CNTROB: variants seen among roughly 807,000 people sequenced by gnomAD.
The protein encoded by CNTROB is centrobin, centriole duplication and spindle assembly protein, also known as centrobin.
In CNTROB, 82 loss-of-function variants were observed where a neutral mutation model predicts 115.7. The ratio of observed to expected loss-of-function variants is 0.71; its 90% CI spans 0.59 to 0.85. The LOEUF (loss-of-function observed/expected upper bound fraction) is 0.85. Among genes scored for constraint, CNTROB ranks in the 40% least tolerant of loss-of-function variants. The probability of loss-of-function intolerance (pLI) is 0.00; values close to 1 mark genes in which losing one functional copy is unlikely to be tolerated. For missense variants in CNTROB, 1,014 were observed against 1,144.4 expected, an observed-to-expected ratio of 0.89 and a Z score of 1.64; for synonymous variants, 439 against 456.4, an observed-to-expected ratio of 0.96 and a Z score of 0.49.
In CNTROB at chr17:7,948,202, G is replaced by A. The variant is rs937256276; in HGVS notation, c.2255G>A (p.Arg752His). 1.1e-5 allele frequency: 18 copies of A among 1,613,962 alleles called. No homozygotes were observed. Among genetic ancestry groups the A allele is most frequent in the Middle Eastern group, 1.6e-4 (1 of 6,084 alleles). The change falls in exon 16 of 19, where the codon CGT (arginine) becomes CAT (histidine). Residue 752 changes from arginine (R) to histidine (H), a missense_variant. Transcript: ENST00000563694. The surrounding 1 kb of genome is among the most constrained non-coding windows in gnomAD (Gnocchi z 4.4). The part of the protein sequence containing the change: ...PSWEEAPQVP[R>H]IPPPVHKTKV... Reference sequence around the variant, plus strand: ...TGGGAGGAAGCCCCTCAAGTGCCACGTATTCCACCGCCTGTCCACAAAACC... The same window carrying A: ...TGGGAGGAAGCCCCTCAAGTGCCACATATTCCACCGCCTGTCCACAAAACC...
intron 1 of CNTROB, among the ~76,000 whole-genome samples, chr17:7,933,595 A>G (rs1972785900): frequency 6.6e-6 from 1 of 152,202 alleles, no homozygotes. Flanking sequence ...TAGATAGAGC[A>G]AACCTATGGG....
intron 1 of CNTROB, 105 bp downstream of exon 1, chr17:7,933,454 T>C (rs1972765684): frequency 1.7e-6 from 2 of 1,197,738 alleles, no homozygotes; most frequent in Non-Finnish European, 1.2e-6. Context: ...GAACTCTTCC[T>C]GTTGGATTTC....
intron 7 of CNTROB, among the ~76,000 whole-genome samples, chr17:7,938,432 C>T (rs1265168699): frequency 2.0e-5 from 3 of 152,118 alleles, no homozygotes; most frequent in African/African-American, 7.2e-5. Flanking sequence ...GTAGTCTTAA[C>T]AGGCTATATC....
At chr17:7,935,168 C>T (rs749507968) in intron 4 of CNTROB, 23 bp downstream of exon 4, 67 of 1,613,514 alleles carry the variant, frequency 4.2e-5, no homozygotes, top group African/African-American at 9.3e-5. Flanking sequence ...CGCTTCCTTT[C>T]GAAAGCAGCA....
At chr17:7,940,523 C>T (rs1327899769) in intron 9 of CNTROB, among the ~76,000 whole-genome samples, 3 of 152,154 alleles carry the variant, frequency 2.0e-5, no homozygotes, top group Non-Finnish European at 4.4e-5. Context: ...AGAGATGACA[C>T]CACACTTAGT....
intron 8 of CNTROB, 58 bp from the exon 9 acceptor site, chr17:7,940,038 T>C: frequency 2.0e-6 from 3 of 1,510,368 alleles, no homozygotes; most frequent in East Asian, 4.6e-5. Flanking sequence ...CTGGGGAGTG[T>C]AGGTAACCAG....
Position 7,943,463 on chromosome 17 carries a change from C to A in CNTROB, c.1384C>A (p.Arg462=), listed in dbSNP as rs370173403. 5.3e-5 allele frequency: 85 copies of A among 1,613,512 alleles called. No individual in the cohort carries two copies. Among genetic ancestry groups the A allele is most frequent in the Non-Finnish European group, 7.0e-5 (83 of 1,179,754 alleles). ...AVQLEQRVTE[R]LAQAQESSLR... ...GCAGCTGGAGCAGCGGGTGACAGAG[C>A]GGCTGGCGCAGGCTCAGGAGAGCAG... Residue 462 remains arginine (R), a synonymous_variant, in exon 10 of 19, where the codon CGG becomes AGG. Transcript: ENST00000563694. The surrounding 1 kb of genome is among the most constrained non-coding windows in gnomAD (Gnocchi z 4.7).
At position 7,944,400 on chromosome 17, in the gene CNTROB, C is replaced by T. The variant is rs1974272070; in HGVS notation, c.1572-76C>T. On this transcript the variant is annotated intron_variant, in intron 11 of 18. Transcript: ENST00000563694. This position sits in a 1 kb window ranked among gnomAD's most constrained non-coding sequence, Gnocchi z 4.0. ...TCAGAATATCAGATGTCCAACATTT[C>T]CCTTCTGGCTCTTTTTAGCTCCCAA... 105 of 1,585,270 alleles carry T rather than the reference C, an allele frequency of 6.6e-5. 2 individuals are homozygous for T. The South Asian group carries it at 1.1e-3, about 17-fold the overall frequency.
Position 7,934,165 on chromosome 17 carries a change from GA to G in CNTROB, c.301del (p.Ser101ValfsTer86). 1 of 1,614,194 alleles carries G rather than the reference GA, an allele frequency of 6.2e-7. No homozygotes were observed. The highest frequency in any genetic ancestry group is 1.1e-5 in the South Asian group (1 of 91,082). On this transcript the variant is annotated frameshift_variant, in exon 2 of 19. Coordinates refer to ENST00000563694, the MANE Select transcript of CNTROB (RefSeq NM_053051.5). LOFTEE classifies it high-confidence loss of function. ...TGGTTCTAAGCATATCTTTGAGATG[GA>G]AAGTGTTCGGGGTCAGCTCCAGACC... ...KDGSKHIFEM[E>X]SVRGQLQTML...
Position 7,949,436 on chromosome 17 carries a change from A to G in CNTROB, c.2638A>G (p.Lys880Glu), listed in dbSNP as rs1974957003. Residue 880 changes from lysine to glutamate, a missense_variant, in exon 19 of 19, where the codon AAA becomes GAA. Transcript: ENST00000563694. ...RRLATAPKTEKPPARKKSGHP... is the reference protein window; with the variant it reads ...RRLATAPKTEEPPARKKSGHP... The stretch of plus-strand genomic sequence containing the variant: ...CCTTGCTACAGCCCCCAAGACTGAA[A>G]AACCTCCCGCACGGAAGAAAAGTGG... 6.2e-7 allele frequency: 1 copy of G among 1,613,936 alleles called. No homozygotes were observed. The highest frequency in any genetic ancestry group is 1.3e-5 in the African/African-American group (1 of 74,858).
chr17:7,933,232 G>T lies in CNTROB; in HGVS notation c.153G>T (p.Thr51=). 3.1e-6 allele frequency: 5 copies of T among 1,614,226 alleles called. No homozygotes were observed. Among genetic ancestry groups the T allele is most frequent in the Non-Finnish European group, 4.2e-6 (5 of 1,180,046 alleles). Residue 51 remains threonine (T), a synonymous_variant, in exon 1 of 19, where the codon ACG becomes ACT. Transcript: ENST00000563694. ...SLRLSRQAEA[T]ARAQLYLPST... is the part of the protein sequence containing the mutation. ...GCCTCAGCCGGCAGGCGGAGGCCAC[G>T]GCCCGAGCCCAGCTGTATTTACCCT...
Position 7,941,180 on chromosome 17 carries a change from C to CT in CNTROB, c.1311+939dup, listed in dbSNP as rs376164115. 7.9e-5 allele frequency among the ~76,000 whole-genome samples: 11 copies of CT among 138,870 alleles called. No homozygotes were observed. The East Asian group carries it at 2.5e-3, about 32-fold the overall frequency. 91.1% of individuals were successfully genotyped at this position (138,870 alleles called of 152,430 possible). A position where few individuals can be genotyped will look rare whatever the true frequency, so the allele number is the denominator to read the frequency against. ...CTAGAATTTTGACCTTTATGGGCCTCTGTTTTTATGTATAAAATGTGTAAG... is the reference window on the plus strand; with the variant it reads ...CTAGAATTTTGACCTTTATGGGCCTCTTGTTTTTATGTATAAAATGTGTAAG... On this transcript the variant is annotated intron_variant, in intron 9 of 18. Coordinates refer to ENST00000563694, the MANE Select transcript of CNTROB (RefSeq NM_053051.5).
rs556782712 is a variant in CNTROB at position 7,941,912 on chromosome 17, G to A, written c.1312-1479G>A. Among the ~76,000 whole-genome samples, 193 of 144,972 alleles carry A rather than the reference G, an allele frequency of 1.3e-3. 3 individuals carry two copies. The South Asian group carries it at 0.029, about 22-fold the overall frequency. On this transcript the variant is annotated intron_variant, in intron 9 of 18. Transcript: ENST00000563694. Reference sequence around the variant, plus strand: ...CTGGAAGTAGAGGCTGCAGTGACCCGTGATCACACCACTGCACTCCAGCCT... The same window carrying A: ...CTGGAAGTAGAGGCTGCAGTGACCCATGATCACACCACTGCACTCCAGCCT...
At chr17:7,949,003 T>C (rs1039421256) in intron 17 of CNTROB, 82 bp from the exon 18 acceptor site, 49 of 1,610,444 alleles carry the variant, frequency 3.0e-5, no homozygotes, top group Admixed American at 6.7e-5. Flanking sequence ...AGAGATAGAA[T>C]TGGGGAGTAG....
At chr17:7,934,079 C>A in intron 1 of CNTROB, 59 bp from the exon 2 acceptor site, 2 of 1,417,726 alleles carry the variant, frequency 1.4e-6, no homozygotes, top group Non-Finnish European at 2.0e-6. Context: ...TCTACCCTGG[C>A]AATAGGTAGG....
chr17:7,945,624 C>A, intron 12 of CNTROB, 104 bp from the exon 13 acceptor site: 1 of 1,228,700 alleles, frequency 8.1e-7, no homozygotes, highest in Admixed American at 2.3e-5. Context: ...AGGTGTGAGC[C>A]ACTGCATCCG....
At position 7,944,628 on chromosome 17, in the gene CNTROB, C is replaced by G; in HGVS notation, c.1724C>G (p.Pro575Arg). The G allele has an allele frequency of 6.2e-7, 1 of 1,609,612 alleles. No homozygotes were observed. The highest frequency in any genetic ancestry group is 8.5e-7 in the Non-Finnish European group (1 of 1,177,124). The change falls in exon 12 of 19, where the codon CCC (proline) becomes CGC (arginine). Residue 575 changes from proline (P) to arginine (R), a missense_variant. Pro to Arg is a moderately radical substitution (Grantham distance 103). Transcript: ENST00000563694. This position sits in a 1 kb window ranked among gnomAD's most constrained non-coding sequence, Gnocchi z 4.0. The part of the protein sequence containing the change: ...NQLLSTTLPP[P>R]NPPAPPAGPS... ...CTGCTCAGCACCACTCTCCCGCCGC[C>G]CAACCCTCCAGTACGCCTTACCCCT...
chr17:7,949,143 A>AT lies in CNTROB; in HGVS notation c.2573dup (p.Arg860ProfsTer20). 6.2e-7 allele frequency: 1 copy of AT among 1,614,048 alleles called. No homozygotes were observed. The highest frequency in any genetic ancestry group is 1.6e-4 in the Middle Eastern group (1 of 6,062). On this transcript the variant is annotated frameshift_variant, in exon 18 of 19. Transcript: ENST00000563694. LOFTEE classifies it high-confidence loss of function. ...GAACACAGACTCCCGCTTGGGTGAG[A>AT]TCCCCCGGAAAGAGGTGAGGGAAAG...
At chr17:7,935,258 C>T (rs1181543239) in intron 4 of CNTROB, 113 bp downstream of exon 4, 1 of 1,512,998 alleles carries the variant, frequency 6.6e-7, no homozygotes, top group Non-Finnish European at 9.0e-7. Context: ...AATCACAGCA[C>T]TTTGGGAGGC....
Sources: allele counts gnomAD v4.1 joint callset (sites outside exome capture counted in the v4.1 genomes callset), GRCh38; gene constraint gnomAD v4.1.1; non-coding constraint Gnocchi (gnomAD v3.1); transcripts MANE v1.5; gene names NCBI Gene and HGNC (gene_info 2026-07-23, HGNC 2026-07-21).